TMEM132D: variants seen among roughly 807,000 people sequenced by gnomAD.
The protein encoded by TMEM132D is mature OL transmembrane protein.
TMEM132D carries 21 observed loss-of-function variants against 62.3 expected under a neutral mutation model. The ratio of observed to expected loss-of-function variants is 0.34; its 90% confidence interval spans 0.24 to 0.49. The LOEUF (loss-of-function observed/expected upper bound fraction) is 0.49. Among genes scored for constraint, TMEM132D ranks in the 20% least tolerant of loss-of-function variants. The pLI is 0.99. For synonymous variants in TMEM132D, 621 were observed against 575.6 expected (o/e 1.08, Z -1.13); for missense variants, 1,346 against 1,402.8 (o/e 0.96, Z 0.65).
chr12:129,078,176 C>T (rs2135610313), intron 8 of TMEM132D, among the ~76,000 whole-genome samples: 1 of 152,332 alleles, frequency 6.6e-6, no homozygotes, highest in Admixed American at 6.5e-5. Flanking sequence ...CCCTCATGCC[C>T]TCATGGAAGC....
Position 129,078,576 on chromosome 12 carries a change from A to G in TMEM132D, c.2073T>C (p.Phe691=). The change falls in exon 8 of 9, where the codon TTT becomes TTC. Residue 691 remains phenylalanine, a synonymous_variant. Transcript: ENST00000422113. ...GAAGTTCCTGAGCCACTGCAGTGGC[A>G]AAGATGGCCCTGTTGCTTCCTGGGC... ...QLSPGSNRAI[F]ATAVAQELLQ... The G allele has an allele frequency of 6.2e-7, 1 of 1,614,128 alleles. No individual in the cohort carries two copies. The highest frequency in any genetic ancestry group is 8.5e-7 in the Non-Finnish European group (1 of 1,180,026).
chr12:129,513,368 C>G (rs1195790025), intron 3 of TMEM132D, among the ~76,000 whole-genome samples: 6 of 152,148 alleles, frequency 3.9e-5, no homozygotes. Context: ...GCCCCCATAA[C>G]CCAAACATCA....
At chr12:129,496,160 G>A (rs963795868) in intron 3 of TMEM132D, among the ~76,000 whole-genome samples, 2 of 152,160 alleles carry the variant, frequency 1.3e-5, no homozygotes, top group African/African-American at 4.8e-5. Flanking sequence ...TCTTGAGTGA[G>A]TTTATTAAGT....
chr12:129,277,417 C>A lies in TMEM132D; in HGVS notation c.1299+60217G>T. ...CAAAGAATTTCAATATTAAATTTGT[C>A]GAGGAAAGAAAAGGATACCATTTCA... On this transcript the variant is annotated intron_variant, in intron 4 of 8. Coordinates refer to ENST00000422113, the MANE Select transcript of TMEM132D (RefSeq NM_133448.3). The surrounding 1 kb of genome is among the most constrained non-coding windows in gnomAD (Gnocchi z 4.2). 6.6e-6 allele frequency among the ~76,000 whole-genome samples: 1 copy of A among 152,098 alleles called. No individual in the cohort carries two copies. The highest frequency in any genetic ancestry group is 1.9e-4 in the East Asian group (1 of 5,202).
At chr12:129,374,641 C>T (rs766679795) in intron 3 of TMEM132D, among the ~76,000 whole-genome samples, 1 of 152,138 alleles carries the variant, frequency 6.6e-6, no homozygotes, top group Non-Finnish European at 1.5e-5. Flanking sequence ...CTGTGCTAGA[C>T]ATTTTCTAGA....
chr12:129,522,991 G>A (rs1875899061), intron 3 of TMEM132D, among the ~76,000 whole-genome samples: 1 of 151,840 alleles, frequency 6.6e-6, no homozygotes, highest in Non-Finnish European at 1.5e-5. Flanking sequence ...AAAAATAGAT[G>A]TATGTAGACA....
At chr12:129,430,459 T>C (rs903284906) in intron 3 of TMEM132D, among the ~76,000 whole-genome samples, 2 of 152,204 alleles carry the variant, frequency 1.3e-5, no homozygotes, top group African/African-American at 2.4e-5. Context: ...GAGTTCATTA[T>C]AGATTCTGCA....
intron 2 of TMEM132D, among the ~76,000 whole-genome samples, chr12:129,576,301 A>G (rs1314258472): frequency 1.3e-5 from 2 of 151,860 alleles, no homozygotes; most frequent in Non-Finnish European, 2.9e-5. Context: ...ATAACGTTTT[A>G]CAATTAATAA....
chr12:129,360,014 C>A (rs564120514), intron 3 of TMEM132D, among the ~76,000 whole-genome samples: 133 of 151,596 alleles, frequency 8.8e-4, no homozygotes, highest in African/African-American at 2.9e-3. Context: ...AAAAAAAAAC[C>A]CCATTTTTTT....
intron 2 of TMEM132D, among the ~76,000 whole-genome samples, chr12:129,644,459 C>T (rs1879719537): frequency 6.6e-6 from 1 of 152,096 alleles, no homozygotes; most frequent in Admixed American, 6.5e-5. Flanking sequence ...CCCACGAGGG[C>T]AATGTGGACT....
intron 2 of TMEM132D, among the ~76,000 whole-genome samples, chr12:129,600,016 C>T (rs1010018181): frequency 3.9e-5 from 6 of 152,294 alleles, no homozygotes; most frequent in Admixed American, 3.9e-4. Context: ...CATCAATGGA[C>T]TCGTCTTTTG....
At chr12:129,608,379 T>C (rs1442881626) in intron 2 of TMEM132D, among the ~76,000 whole-genome samples, 3 of 152,140 alleles carry the variant, frequency 2.0e-5, no homozygotes, top group Non-Finnish European at 4.4e-5. Context: ...GTTTTCAGTC[T>C]GCAAAAATGA....
At chr12:129,797,727 G>A (rs1052017470) in intron 1 of TMEM132D, among the ~76,000 whole-genome samples, 10 of 152,218 alleles carry the variant, frequency 6.6e-5, no homozygotes, top group Admixed American at 1.3e-4. Flanking sequence ...CAACAGACAT[G>A]TCCCTGGATA....
At chr12:129,799,303 AAAT>A (rs1871669082) in intron 1 of TMEM132D, among the ~76,000 whole-genome samples, 1 of 151,970 alleles carries the variant, frequency 6.6e-6, no homozygotes, top group Non-Finnish European at 1.5e-5. Context: ...AACAAACAAA[AAAT>A]ATATATATAC....
chr12:129,345,760 A>C (rs1869661966), intron 3 of TMEM132D, among the ~76,000 whole-genome samples: 1 of 152,202 alleles, frequency 6.6e-6, no homozygotes, highest in Non-Finnish European at 1.5e-5. Context: ...AGTATGTTGA[A>C]TCAGCCTTGC....
intron 2 of TMEM132D, among the ~76,000 whole-genome samples, chr12:129,584,747 G>T (rs1593076110): frequency 6.6e-6 from 1 of 152,320 alleles, no homozygotes; most frequent in East Asian, 1.9e-4. Context: ...GACATTCTTA[G>T]TCTAGGAAAG....
intron 4 of TMEM132D, among the ~76,000 whole-genome samples, chr12:129,257,351 C>T (rs1028611691): frequency 3.9e-5 from 6 of 151,994 alleles, no homozygotes; most frequent in East Asian, 1.9e-4. Context: ...GGACTACAGG[C>T]GCCCGCCACC....
At chr12:129,750,520 G>C (rs190710741) in intron 1 of TMEM132D, among the ~76,000 whole-genome samples, 503 of 152,304 alleles carry the variant, frequency 3.3e-3, no homozygotes, top group Non-Finnish European at 6.1e-3. Flanking sequence ...AGACTATGAT[G>C]GACCAACATT....
At position 129,223,046 on chromosome 12, in the gene TMEM132D, C is replaced by T. The variant is rs1388825535; in HGVS notation, c.1300-13383G>A. On this transcript the variant is annotated intron_variant, in intron 4 of 8. Coordinates refer to ENST00000422113, the MANE Select transcript of TMEM132D (RefSeq NM_133448.3). Reference sequence around the variant, plus strand: ...CACAATGTTTATTTGCCAGTTATACCTCAATAAAGCTGGGGGGAGAAAGAG... The same window carrying T: ...CACAATGTTTATTTGCCAGTTATACTTCAATAAAGCTGGGGGGAGAAAGAG... Among the ~76,000 whole-genome samples the T allele has an allele frequency of 3.3e-5, 5 of 152,034 alleles. No individual in the cohort carries two copies. In the East Asian group the frequency reaches 9.8e-4, roughly 30 times the overall value.
Sources: allele counts gnomAD v4.1 joint callset (sites outside exome capture counted in the v4.1 genomes callset), GRCh38; gene constraint gnomAD v4.1.1; non-coding constraint Gnocchi (gnomAD v3.1); transcripts MANE v1.5; gene names NCBI Gene and HGNC (gene_info 2026-07-23, HGNC 2026-07-21).